The following RANBP17 variants were observed in gnomAD, a reference collection of about 807,000 sequenced individuals.
The protein encoded by RANBP17 is ran-binding protein 17.
In RANBP17, 158 loss-of-function variants were observed where a neutral mutation model predicts 141.2. That is an observed-to-expected ratio of 1.12 (90% CI 0.98 to 1.28). The LOEUF (loss-of-function observed/expected upper bound fraction) is 1.28, where lower values mean the gene tolerates loss of function less well. Among genes scored for constraint, RANBP17 ranks in the 50% most tolerant of loss-of-function variants. The pLI is 0.00. For synonymous variants in RANBP17, 430 were observed against 450.0 expected, an observed-to-expected ratio of 0.96 and a Z score of 0.56; for missense variants, 1,438 against 1,290.7, an observed-to-expected ratio of 1.11 and a Z score of -1.75.
intron 22 of RANBP17, among the ~76,000 whole-genome samples, chr5:171,230,000 G>A (rs1178351603): frequency 1.3e-5 from 2 of 152,126 alleles, no homozygotes; most frequent in Non-Finnish European, 1.5e-5. Flanking sequence ...GGAAGGCAAA[G>A]GTTGCAGTGA....
Position 171,046,393 on chromosome 5 carries a change from AG to A in RANBP17, c.1710+78017del, listed in dbSNP as rs1313155609. Among the ~76,000 whole-genome samples the A allele has an allele frequency of 2.0e-5, 3 of 152,042 alleles. No individual in the cohort carries two copies. In the East Asian group the frequency reaches 5.8e-4, roughly 29 times the overall value. On this transcript the variant is annotated intron_variant, in intron 14 of 27. Transcript: ENST00000523189. The stretch of plus-strand genomic sequence containing the variant: ...CCAGCTAATTTTTTGTGTTTTTAGT[AG>A]AGACACGGTTTCACCATGTTGGGCA...
chr5:171,170,368 C>T (rs1760017619), intron 15 of RANBP17, among the ~76,000 whole-genome samples, 165 bp downstream of exon 15: 1 of 152,052 alleles, frequency 6.6e-6, no homozygotes, highest in Non-Finnish European at 1.5e-5. Flanking sequence ...CTTAATTTCA[C>T]ATATTGAAAA....
intron 14 of RANBP17, among the ~76,000 whole-genome samples, chr5:171,057,215 AAT>A (rs1783453471): frequency 1.3e-5 from 2 of 152,174 alleles, no homozygotes; most frequent in African/African-American, 4.8e-5. Context: ...AACTTTAGCC[AAT>A]ATGTTCACAC....
At chr5:170,935,027 ACTTCT>A (rs1267788282) in intron 12 of RANBP17, among the ~76,000 whole-genome samples, 5 of 152,038 alleles carry the variant, frequency 3.3e-5, no homozygotes, top group Middle Eastern at 3.4e-3. Context: ...TTTTCTCTAA[ACTTCT>A]CTTCTAACTT....
intron 14 of RANBP17, among the ~76,000 whole-genome samples, chr5:170,978,826 T>C (rs1057350545): frequency 6.6e-6 from 1 of 152,056 alleles, no homozygotes; most frequent in Non-Finnish European, 1.5e-5. Flanking sequence ...CATATTATGA[T>C]TTGTGCACTT....
chr5:170,918,774 A>G lies in RANBP17; in HGVS notation c.1016A>G (p.Asn339Ser), dbSNP rs780638378. The change falls in exon 10 of 28, where the codon AAT (asparagine) becomes AGT (serine). Residue 339 changes from asparagine to serine, a missense_variant. Asn to Ser is a conservative substitution (Grantham distance 46, BLOSUM62 1). Transcript: ENST00000523189. ...FCRFLARLKT[N>S]YQLGELVMVK... ...CGATTTTTGGCTCGTTTAAAGACAA[A>G]TTATCAGCTGGGAGAATTAGTTATG... is the stretch of plus-strand genomic sequence containing the variant. 2.1e-5 allele frequency: 33 copies of G among 1,607,854 alleles called. No individual in the cohort carries two copies. The African/African-American group carries it at 4.0e-4, about 20-fold the overall frequency.
chr5:170,883,409 A>G (rs1768880511), intron 3 of RANBP17, among the ~76,000 whole-genome samples: 2 of 152,202 alleles, frequency 1.3e-5, no homozygotes, highest in African/African-American at 4.8e-5. Context: ...AAAGTCGTAC[A>G]TTTGTTACAA....
rs570999599 is a variant in RANBP17 at position 170,918,924 on chromosome 5, T to C, written c.1101+65T>C. 223 of 1,011,484 alleles carry C rather than the reference T, an allele frequency of 2.2e-4. No individual in the cohort carries two copies. In the African/African-American group the frequency reaches 3.3e-3, roughly 15 times the overall value. 62.7% of individuals were successfully genotyped at this position (1,011,484 alleles called of 1,614,324 possible). On this transcript the variant is annotated intron_variant, in intron 10 of 27. Transcript: ENST00000523189. ...TTTAAAACAGCTTCTTGGTAAGGGT[T>C]GGTGGGGGTATTTGAAAAATATCTA...
intron 24 of RANBP17, among the ~76,000 whole-genome samples, chr5:171,247,572 TTTAG>T (rs1360069556): frequency 6.6e-6 from 1 of 152,098 alleles, no homozygotes; most frequent in African/African-American, 2.4e-5. Flanking sequence ...TACAAAAAAT[TTTAG>T]TTAATTTCAT....
Position 170,989,228 on chromosome 5 carries a change from A to T in RANBP17, c.1710+20851A>T, listed in dbSNP as rs565182212. Among the ~76,000 whole-genome samples, 15 of 151,904 alleles carry T rather than the reference A, an allele frequency of 9.9e-5. 1 individual carries two copies. In the South Asian group the frequency reaches 2.9e-3, roughly 29 times the overall value. ...CTTGCTTGAAGGGAATCAGGATGAG[A>T]TATAATCTATCCTACTTGTGCTGCA... On this transcript the variant is annotated intron_variant, in intron 14 of 27. Coordinates refer to ENST00000523189, the MANE Select transcript of RANBP17 (RefSeq NM_022897.5).
chr5:171,059,644 C>T (rs1242110599), intron 14 of RANBP17, among the ~76,000 whole-genome samples: 21 of 151,138 alleles, frequency 1.4e-4, no homozygotes, highest in Admixed American at 4.0e-4. Flanking sequence ...CTTGGCAATG[C>T]GGGCTCTTTT....
intron 26 of RANBP17, 127 bp from the exon 27 acceptor site, chr5:171,295,760 C>A: frequency 1.0e-6 from 1 of 970,224 alleles, no homozygotes; most frequent in South Asian, 1.6e-5. Flanking sequence ...CAAAGTGGAC[C>A]TAGACAAAAA....
intron 14 of RANBP17, among the ~76,000 whole-genome samples, chr5:170,990,516 T>C (rs1778432363): frequency 6.6e-6 from 1 of 151,972 alleles, no homozygotes; most frequent in Non-Finnish European, 1.5e-5. Context: ...ATAAGGCTTC[T>C]TTAGTGTCCT....
intron 14 of RANBP17, among the ~76,000 whole-genome samples, chr5:171,125,418 CAAA>C (rs1399522087): frequency 3.7e-5 from 5 of 134,282 alleles, no homozygotes; most frequent in Admixed American, 7.4e-5. Context: ...AAAAGAGAGA[CAAA>C]GAAGGTCATT....
At chr5:171,006,601 T>TG (rs1168342087) in intron 14 of RANBP17, among the ~76,000 whole-genome samples, 1 of 151,416 alleles carries the variant, frequency 6.6e-6, no homozygotes, top group African/African-American at 2.4e-5. Flanking sequence ...TATTGTGGGG[T>TG]GGGGGAAGCG....
At chr5:171,297,161 T>A (rs1156243265) in intron 27 of RANBP17, among the ~76,000 whole-genome samples, 2 of 152,186 alleles carry the variant, frequency 1.3e-5, no homozygotes, top group Non-Finnish European at 2.9e-5. Flanking sequence ...GTATCTCAGT[T>A]GCCAATGAGA....
In RANBP17 at chr5:171,219,027, G is replaced by C. The variant is rs377571062; in HGVS notation, c.2340-2731G>C. Among the ~76,000 whole-genome samples, 47 of 151,954 alleles carry C rather than the reference G, an allele frequency of 3.1e-4. No homozygotes were observed. In the South Asian group the frequency reaches 8.9e-3, roughly 29 times the overall value. ...TGTATTTTGGTGCGTTTTTGCAGTG[G>C]CTGGTTTTTCCTTTCCATATTTAGC... On this transcript the variant is annotated intron_variant, in intron 21 of 27. Transcript: ENST00000523189.
At chr5:171,090,417 T>C (rs554148680) in intron 14 of RANBP17, among the ~76,000 whole-genome samples, 5 of 152,354 alleles carry the variant, frequency 3.3e-5, no homozygotes, top group African/African-American at 9.6e-5. Flanking sequence ...AAGAGGTGAC[T>C]TGGGTGCTGT....
chr5:170,949,197 CAAATT>C (rs556456588), intron 12 of RANBP17, among the ~76,000 whole-genome samples: 94 of 152,162 alleles, frequency 6.2e-4, no homozygotes, highest in South Asian at 2.1e-3. Flanking sequence ...CAACAGAAAA[CAAATT>C]AGATAGACCA....
Sources: gnomAD v4.1 joint callset for allele counts (sites outside exome capture counted in the v4.1 genomes callset) on GRCh38, gnomAD v4.1.1 for gene constraint, MANE v1.5 for transcripts, NCBI Gene and HGNC (gene_info 2026-07-23, HGNC 2026-07-21) for gene names.